The following COMMD10 variants were observed in gnomAD, a reference collection of about 807,000 sequenced individuals.
COMMD10 encodes the protein COMM domain containing 10.
COMMD10 carries 33 observed loss-of-function variants against 28.9 expected under a neutral mutation model. That is an observed-to-expected ratio of 1.14 (90% CI 0.87 to 1.53). The LOEUF (loss-of-function observed/expected upper bound fraction) is 1.53. Ranked by LOEUF, COMMD10 falls within the 40% of genes most tolerant of loss-of-function variation. COMMD10 has a pLI of 0.00. For synonymous variants in COMMD10, 110 were observed against 81.7 expected (o/e 1.35, Z -1.87); for missense variants, 310 against 233.4 (o/e 1.33, Z -2.14).
At chr5:116,162,560 A>G (rs556250704) in intron 5 of COMMD10, among the ~76,000 whole-genome samples, 4 of 152,216 alleles carry the variant, frequency 2.6e-5, no homozygotes, top group South Asian at 2.1e-4. Flanking sequence ...ATATATCTAT[A>G]TATGTACATA....
intron 5 of COMMD10, among the ~76,000 whole-genome samples, chr5:116,273,108 A>G (rs1750802442): frequency 6.6e-6 from 1 of 151,842 alleles, no homozygotes; most frequent in Non-Finnish European, 1.5e-5. Context: ...CTTTTAGAAG[A>G]ATTCAGTTTG....
chr5:116,217,786 G>A (rs1749142657), intron 5 of COMMD10, among the ~76,000 whole-genome samples: 1 of 152,062 alleles, frequency 6.6e-6, no homozygotes, highest in African/African-American at 2.4e-5. Context: ...CCAAGAGTAA[G>A]TCTCTCAAAA....
At chr5:116,249,376 G>T (rs1750047182) in intron 5 of COMMD10, among the ~76,000 whole-genome samples, 1 of 151,824 alleles carries the variant, frequency 6.6e-6, no homozygotes, top group Non-Finnish European at 1.5e-5. Flanking sequence ...ATCCAGTTTC[G>T]TAGAGCTCAT....
chr5:116,231,028 C>T (rs1454463091), intron 5 of COMMD10, among the ~76,000 whole-genome samples: 1 of 152,076 alleles, frequency 6.6e-6, no homozygotes, highest in East Asian at 1.9e-4. Context: ...AAGGTTATTT[C>T]TGAGACTGCC....
intron 5 of COMMD10, among the ~76,000 whole-genome samples, chr5:116,211,409 G>GT (rs1748959234): frequency 6.6e-6 from 1 of 152,084 alleles, no homozygotes; most frequent in African/African-American, 2.4e-5. Flanking sequence ...TAAAACAGTG[G>GT]TAAGTATTTG....
intron 5 of COMMD10, among the ~76,000 whole-genome samples, chr5:116,227,273 T>C (rs1749416815): frequency 6.6e-6 from 1 of 152,060 alleles, no homozygotes. Flanking sequence ...GAGCATCTCA[T>C]TCTCCTTCAA....
At chr5:116,115,705 C>T (rs761936612) in intron 4 of COMMD10, among the ~76,000 whole-genome samples, 7 of 152,052 alleles carry the variant, frequency 4.6e-5, no homozygotes, top group South Asian at 2.1e-4. Flanking sequence ...AGCTCTTTTA[C>T]GTGTATTCCT....
intron 5 of COMMD10, among the ~76,000 whole-genome samples, chr5:116,283,526 T>C (rs574599091): frequency 6.6e-6 from 1 of 151,644 alleles, no homozygotes; most frequent in South Asian, 2.1e-4. Context: ...TTTGTATTTT[T>C]AGTAGAGACA....
chr5:116,264,490 T>C (rs1454181668), intron 5 of COMMD10, among the ~76,000 whole-genome samples: 1 of 151,756 alleles, frequency 6.6e-6, no homozygotes, highest in Non-Finnish European at 1.5e-5. Context: ...CATGCAAAGA[T>C]TATATTTTCT....
intron 4 of COMMD10, among the ~76,000 whole-genome samples, chr5:116,118,240 T>G (rs542080646): frequency 6.6e-6 from 1 of 152,218 alleles, no homozygotes; most frequent in Non-Finnish European, 1.5e-5. Flanking sequence ...TTTATTATCT[T>G]ATTTTTCTCC....
At position 116,193,741 on chromosome 5, in the gene COMMD10, C is replaced by T. The variant is rs115414920; in HGVS notation, c.510+59563C>T. 3.0e-3 allele frequency among the ~76,000 whole-genome samples: 450 copies of T among 152,068 alleles called. 3 individuals carry two copies. Among genetic ancestry groups the T allele is most frequent in the African/African-American group, 0.01 (432 of 41,552 alleles). On this transcript the variant is annotated intron_variant, in intron 5 of 6. Transcript: ENST00000274458. ...AATAGTGGAGGACTTCAGTACTCCA[C>T]TGACGGTACTAGACAGGTCATCAAG...
intron 5 of COMMD10, among the ~76,000 whole-genome samples, chr5:116,282,176 C>G (rs1428228292): frequency 6.6e-6 from 1 of 151,858 alleles, no homozygotes; most frequent in Non-Finnish European, 1.5e-5. Context: ...TGCCAGAAAC[C>G]TGAGAGTCAT....
At chr5:116,114,998 A>T (rs1351436480) in intron 4 of COMMD10, among the ~76,000 whole-genome samples, 2 of 151,944 alleles carry the variant, frequency 1.3e-5, no homozygotes, top group African/African-American at 2.4e-5. Flanking sequence ...CCCATTTCCT[A>T]CACAGGCCCC....
intron 5 of COMMD10, among the ~76,000 whole-genome samples, chr5:116,136,101 T>A (rs1428163943): frequency 1.3e-5 from 2 of 152,186 alleles, no homozygotes; most frequent in African/African-American, 4.8e-5. Context: ...AATCCATTTG[T>A]TTTAATTCAG....
At chr5:116,238,533 C>A (rs533460227) in intron 5 of COMMD10, among the ~76,000 whole-genome samples, 1 of 152,312 alleles carries the variant, frequency 6.6e-6, no homozygotes, top group East Asian at 1.9e-4. Flanking sequence ...AGCTTCTGTT[C>A]TGAGAACCTC....
chr5:116,118,760 A>C (rs1157019476), intron 4 of COMMD10, among the ~76,000 whole-genome samples: 2 of 152,328 alleles, frequency 1.3e-5, no homozygotes, highest in Non-Finnish European at 2.9e-5. Flanking sequence ...CAGGAAAAAA[A>C]AAAAGTGATG....
chr5:116,138,577 C>G (rs962438471), intron 5 of COMMD10, among the ~76,000 whole-genome samples: 1 of 151,684 alleles, frequency 6.6e-6, no homozygotes, highest in African/African-American at 2.4e-5. Flanking sequence ...TACAGGGATT[C>G]CAAATTTTAT....
At chr5:116,128,141 T>A (rs554892851) in intron 4 of COMMD10, among the ~76,000 whole-genome samples, 1 of 152,178 alleles carries the variant, frequency 6.6e-6, no homozygotes, top group African/African-American at 2.4e-5. Context: ...CTTTTCCTAT[T>A]TTGAGGAGTT....
intron 5 of COMMD10, among the ~76,000 whole-genome samples, chr5:116,173,859 T>C (rs956841825): frequency 4.6e-5 from 7 of 150,964 alleles, no homozygotes; most frequent in African/African-American, 1.7e-4. Context: ...GTTTTTTTTT[T>C]TTTGGAACAA....
Sources: gnomAD v4.1 joint callset for allele counts (sites outside exome capture counted in the v4.1 genomes callset) on GRCh38, gnomAD v4.1.1 for gene constraint, MANE v1.5 for transcripts, NCBI Gene and HGNC (gene_info 2026-07-23, HGNC 2026-07-21) for gene names.